The following ESRRG variants were observed in gnomAD, a reference collection of about 807,000 sequenced individuals.
ESRRG encodes estrogen related receptor gamma.
A neutral mutation model predicts 44.0 loss-of-function variants in ESRRG; 13 were observed. That is an observed-to-expected ratio of 0.30 (90% CI 0.19 to 0.47). ESRRG has a LOEUF of 0.47. Among genes scored for constraint, ESRRG ranks in the 20% least tolerant of loss-of-function variants. The pLI is 1.00. For missense variants in ESRRG, 395 were observed against 580.6 expected, an observed-to-expected ratio of 0.68 and a Z score of 3.29; for synonymous variants, 215 against 214.6, an observed-to-expected ratio of 1.00 and a Z score of -0.02.
chr1:216,514,713 A>T (rs2043681164), intron 6 of ESRRG, among the ~76,000 whole-genome samples: 2 of 152,160 alleles, frequency 1.3e-5, no homozygotes. Context: ...TCTGCCTCAT[A>T]ATAGCCATGC....
At chr1:216,836,385 G>A (rs1252658683) in intron 2 of ESRRG, among the ~76,000 whole-genome samples, 3 of 152,152 alleles carry the variant, frequency 2.0e-5, no homozygotes, top group Non-Finnish European at 4.4e-5. Context: ...AGAAAATTAG[G>A]TTGCTGTCTC....
intron 2 of ESRRG, among the ~76,000 whole-genome samples, chr1:216,854,785 G>A (rs2095899932): frequency 1.3e-5 from 2 of 151,544 alleles, no homozygotes; most frequent in African/African-American, 2.4e-5. Context: ...CGTATCTTGT[G>A]TTTTATTTCT....
At chr1:216,588,761 C>A (rs2057125903) in intron 3 of ESRRG, among the ~76,000 whole-genome samples, 1 of 152,060 alleles carries the variant, frequency 6.6e-6, no homozygotes, top group South Asian at 2.1e-4. Flanking sequence ...AAACTCTAAA[C>A]AAATTTTTTA....
chr1:216,993,189 T>C (rs1286337412), intron 1 of ESRRG, among the ~76,000 whole-genome samples: 1 of 152,202 alleles, frequency 6.6e-6, no homozygotes, highest in East Asian at 1.9e-4. Flanking sequence ...CTCTGCAAAG[T>C]AGTATATTTA....
In ESRRG at chr1:216,798,561, A is replaced by T. The variant is rs573905133; in HGVS notation, c.-13-121070T>A. 3.3e-5 allele frequency among the ~76,000 whole-genome samples: 5 copies of T among 152,324 alleles called. No homozygotes were observed. In the South Asian group the frequency reaches 6.2e-4, roughly 19 times the overall value. On this transcript the variant is annotated intron_variant, in intron 2 of 7. Coordinates refer to the ESRRG transcript ENST00000359162. ...TGGTCATCAACAGCAGGGCAGTGTC[A>T]TGACCAGACTGGAATTTTAAATAGA... is the stretch of plus-strand genomic sequence containing the variant.
chr1:216,518,822 C>G (rs7514191), intron 6 of ESRRG, among the ~76,000 whole-genome samples: 1 of 151,968 alleles, frequency 6.6e-6, no homozygotes, highest in African/African-American at 2.4e-5. Context: ...TTTTAACTTA[C>G]GCATAAAATA....
intron 1 of ESRRG, among the ~76,000 whole-genome samples, chr1:216,977,843 A>ATGCTTTATTATTCAGGAG (rs1289984243): frequency 6.6e-6 from 1 of 152,138 alleles, no homozygotes; most frequent in Non-Finnish European, 1.5e-5. Context: ...GAATGGATTC[A>ATGCTTTATTATTCAGGAG]TGCTTTATTA....
At chr1:216,929,990 T>C (rs927322021) in intron 2 of ESRRG, among the ~76,000 whole-genome samples, 1 of 152,150 alleles carries the variant, frequency 6.6e-6, no homozygotes, top group Non-Finnish European at 1.5e-5. Context: ...ATCTAAGTTA[T>C]TAGTCACCAC....
Position 216,749,225 on chromosome 1 carries a change from G to A in ESRRG, c.-13-71734C>T, listed in dbSNP as rs1419196226. Among the ~76,000 whole-genome samples, 3 of 151,856 alleles carry A rather than the reference G, an allele frequency of 2.0e-5. 1 individual carries two copies. The highest frequency in any genetic ancestry group is 3.9e-4 in the East Asian group (2 of 5,144). On this transcript the variant is annotated intron_variant, in intron 2 of 7. Transcript: ENST00000359162. Reference sequence around the variant, plus strand: ...TGTGGCAAACTGCTGTTCAGTGACTGGTGCCATCCAGTGCGCTGGGCAAAC... The same window carrying A: ...TGTGGCAAACTGCTGTTCAGTGACTAGTGCCATCCAGTGCGCTGGGCAAAC...
At chr1:217,115,177 G>C (rs116452931) in intron 1 of ESRRG, among the ~76,000 whole-genome samples, 4 of 152,142 alleles carry the variant, frequency 2.6e-5, no homozygotes, top group Non-Finnish European at 4.4e-5. Flanking sequence ...TCCACCTGGG[G>C]AAAAGTAAGT....
At chr1:216,523,502 GTTTT>G (rs572065983) in intron 5 of ESRRG, among the ~76,000 whole-genome samples, 24 of 141,286 alleles carry the variant, frequency 1.7e-4, no homozygotes, top group East Asian at 2.1e-4. Context: ...TTTTTTTTTT[GTTTT>G]TTTTTTTTTT....
intron 5 of ESRRG, among the ~76,000 whole-genome samples, chr1:216,520,043 A>G (rs571928072): frequency 6.6e-6 from 1 of 152,236 alleles, no homozygotes; most frequent in East Asian, 1.9e-4. Context: ...TAATAGGTAT[A>G]AAAGAAAGTG....
intron 1 of ESRRG, chr1:216,707,288 C>A: frequency 6.7e-7 from 1 of 1,493,268 alleles, no homozygotes; most frequent in Non-Finnish European, 9.0e-7. Context: ...ATACAAGTAA[C>A]GTTGAGCATT....
At chr1:216,994,060 A>G (rs2076059462) in intron 1 of ESRRG, among the ~76,000 whole-genome samples, 1 of 152,182 alleles carries the variant, frequency 6.6e-6, no homozygotes, top group South Asian at 2.1e-4. Flanking sequence ...AAAATCTGTA[A>G]GTGCATTTCT....
chr1:216,960,498 A>T (rs2068817943), intron 1 of ESRRG, among the ~76,000 whole-genome samples: 1 of 152,270 alleles, frequency 6.6e-6, no homozygotes, highest in African/African-American at 2.4e-5. Flanking sequence ...GGGATTTTTC[A>T]AGATGGTATC....
At chr1:216,969,183 A>G (rs1273593174) in intron 1 of ESRRG, among the ~76,000 whole-genome samples, 2 of 152,152 alleles carry the variant, frequency 1.3e-5, no homozygotes, top group Admixed American at 1.3e-4. Context: ...CTAATCTCTG[A>G]GGATATGGCA....
intron 6 of ESRRG, among the ~76,000 whole-genome samples, chr1:216,510,119 A>G (rs1017224956): frequency 6.6e-6 from 1 of 152,198 alleles, no homozygotes; most frequent in Non-Finnish European, 1.5e-5. Flanking sequence ...TAGGCTACAT[A>G]TTAAAAACAA....
intron 5 of ESRRG, among the ~76,000 whole-genome samples, chr1:216,523,383 C>T (rs2046658458): frequency 6.6e-6 from 1 of 152,228 alleles, no homozygotes; most frequent in Non-Finnish European, 1.5e-5. Context: ...GCAGGTACCC[C>T]TGAGGTAATA....
chr1:216,510,652 G>A (rs575335327), intron 6 of ESRRG, among the ~76,000 whole-genome samples: 8 of 152,262 alleles, frequency 5.3e-5, no homozygotes, highest in African/African-American at 1.7e-4. Flanking sequence ...TTGGGAGGCC[G>A]AGGCAGGCAG....
Sources: allele counts gnomAD v4.1 joint callset (sites outside exome capture counted in the v4.1 genomes callset), GRCh38; gene constraint gnomAD v4.1.1; transcripts MANE v1.5; gene names NCBI Gene and HGNC (gene_info 2026-07-23, HGNC 2026-07-21).